Variants in TMC1 observed in about 807,000 individuals in gnomAD.
The protein encoded by TMC1 is transmembrane channel like 1, also known as transmembrane channel-like protein 1.
A neutral mutation model predicts 105.8 loss-of-function variants in TMC1; 84 were observed. The ratio of observed to expected loss-of-function variants is 0.79; its 90% confidence interval spans 0.67 to 0.95. The LOEUF is 0.95. Among genes scored for constraint, TMC1 ranks in the 40% least tolerant of loss-of-function variants. The pLI, the probability that TMC1 is intolerant of heterozygous loss-of-function variation, is 0.00. For missense variants in TMC1, 817 were observed against 914.1 expected (o/e 0.89, Z 1.37); for synonymous variants, 315 against 311.5 (o/e 1.01, Z -0.12).
Position 72,640,327 on chromosome 9 carries a change from G to A in TMC1, c.-52-8270G>A, listed in dbSNP as rs144038714. On this transcript the variant is annotated intron_variant, in intron 4 of 23. Coordinates refer to ENST00000297784, the MANE Select transcript of TMC1 (RefSeq NM_138691.3). Reference sequence around the variant, plus strand: ...GATGTGGAGGATAAATTTTATGGTCGCCAATCCTTTATTGTAAAGAATCGT... The same window carrying A: ...GATGTGGAGGATAAATTTTATGGTCACCAATCCTTTATTGTAAAGAATCGT... Among the ~76,000 whole-genome samples, 8 of 152,240 alleles carry A rather than the reference G, an allele frequency of 5.3e-5. No homozygotes were observed. The East Asian group carries it at 1.2e-3, about 22-fold the overall frequency.
chr9:72,599,797 C>T (rs954534024), intron 2 of TMC1, among the ~76,000 whole-genome samples: 17 of 149,478 alleles, frequency 1.1e-4, no homozygotes, highest in African/African-American at 3.9e-4. Context: ...GCGACAAGAG[C>T]CAAACTCCAT....
chr9:72,677,129 TACACACACAC>T (rs71495332), intron 5 of TMC1, among the ~76,000 whole-genome samples: 3 of 145,124 alleles, frequency 2.1e-5, no homozygotes, highest in Admixed American at 7.0e-5. Flanking sequence ...GAACAGAAAT[TACACACACAC>T]ACACACACAC....
At chr9:72,603,022 G>A (rs977894732) in intron 2 of TMC1, among the ~76,000 whole-genome samples, 3 of 152,108 alleles carry the variant, frequency 2.0e-5, no homozygotes, top group African/African-American at 7.2e-5. Context: ...CCAGTATTGT[G>A]TATATGGAGG....
chr9:72,776,262 A>G (rs1183197178), intron 13 of TMC1, among the ~76,000 whole-genome samples: 1 of 151,836 alleles, frequency 6.6e-6, no homozygotes, highest in Non-Finnish European at 1.5e-5. Flanking sequence ...TGAGATATAT[A>G]TTATAAACTA....
intron 1 of TMC1, among the ~76,000 whole-genome samples, chr9:72,550,651 C>G (rs1434690311): frequency 1.0e-5 from 1 of 99,342 alleles, no homozygotes; most frequent in Non-Finnish European, 1.8e-5. Context: ...GAGGGAGACT[C>G]CATCTCAAAA....
chr9:72,726,298 T>C (rs1827125032), intron 8 of TMC1, among the ~76,000 whole-genome samples: 1 of 152,206 alleles, frequency 6.6e-6, no homozygotes, highest in African/African-American at 2.4e-5. Context: ...TGCATGTACA[T>C]ATAATGTATA....
rs78110893 is a variant in TMC1 at position 72,820,325 on chromosome 9, G to A, written c.1764-517G>A. Among the ~76,000 whole-genome samples, 1,337 of 152,032 alleles carry A rather than the reference G, an allele frequency of 8.8e-3. 17 individuals carry two copies. Among genetic ancestry groups the A allele is most frequent in the African/African-American group, 0.03 (1,265 of 41,482 alleles). On this transcript the variant is annotated intron_variant, in intron 19 of 23. Coordinates refer to ENST00000297784, the MANE Select transcript of TMC1 (RefSeq NM_138691.3). ...AAAAACTTTTTTCATTTGTACAGTC[G>A]TGGCCCACTGCAACCTTGACCTCCT...
chr9:72,727,767 G>A (rs1383147138), intron 8 of TMC1, among the ~76,000 whole-genome samples: 2 of 152,098 alleles, frequency 1.3e-5, no homozygotes, highest in African/African-American at 2.4e-5. Context: ...AAGCTGGGAT[G>A]CCTTAGTGAT....
intron 13 of TMC1, among the ~76,000 whole-genome samples, chr9:72,785,094 A>T (rs1346003789): frequency 6.6e-6 from 1 of 152,196 alleles, no homozygotes; most frequent in Non-Finnish European, 1.5e-5. Context: ...AACCTAAAAT[A>T]AAAATTAGAA....
intron 2 of TMC1, 123 bp downstream of exon 2, chr9:72,578,146 G>A (rs1375076210): frequency 6.6e-6 from 1 of 152,224 alleles, no homozygotes; most frequent in Non-Finnish European, 1.5e-5. Context: ...TGGGATTACA[G>A]GCATGAACCA....
intron 1 of TMC1, among the ~76,000 whole-genome samples, chr9:72,557,489 A>T (rs1173915254): frequency 2.0e-5 from 3 of 152,232 alleles, no homozygotes; most frequent in African/African-American, 7.2e-5. Context: ...CCAAATGTTT[A>T]ATATTGAGCA....
chr9:72,560,626 A>G (rs562957277), intron 1 of TMC1, among the ~76,000 whole-genome samples: 160 of 152,084 alleles, frequency 1.1e-3, no homozygotes, highest in African/African-American at 3.6e-3. Context: ...AGCCTCCTAA[A>G]TAGCTGGGAC....
At chr9:72,527,003 G>A (rs1171467957) in intron 1 of TMC1, among the ~76,000 whole-genome samples, 1 of 152,232 alleles carries the variant, frequency 6.6e-6, no homozygotes, top group African/African-American at 2.4e-5. Context: ...AGGGTCCTGG[G>A]TACCAGACGC....
chr9:72,823,407 G>A (rs1828904539), intron 20 of TMC1, among the ~76,000 whole-genome samples: 1 of 152,106 alleles, frequency 6.6e-6, no homozygotes, highest in African/African-American at 2.4e-5. Flanking sequence ...TCTAGATCCT[G>A]GGCAAGCAGG....
At chr9:72,776,180 T>C (rs1440465036) in intron 13 of TMC1, among the ~76,000 whole-genome samples, 1 of 152,080 alleles carries the variant, frequency 6.6e-6, no homozygotes, top group Non-Finnish European at 1.5e-5. Context: ...ACTTAAATCA[T>C]GTGCTATACG....
At chr9:72,646,341 C>G (rs1205152718) in intron 4 of TMC1, among the ~76,000 whole-genome samples, 1 of 152,158 alleles carries the variant, frequency 6.6e-6, no homozygotes, top group Non-Finnish European at 1.5e-5. Context: ...CAGGATATTG[C>G]TGGATTGTTC....
At chr9:72,679,381 C>A (rs1221523070) in intron 5 of TMC1, among the ~76,000 whole-genome samples, 1 of 152,056 alleles carries the variant, frequency 6.6e-6, no homozygotes, top group Admixed American at 6.6e-5. Flanking sequence ...TTCTTACCAA[C>A]CCATCCACCT....
chr9:72,740,975 T>C (rs1464103741), intron 9 of TMC1, among the ~76,000 whole-genome samples: 2 of 152,234 alleles, frequency 1.3e-5, no homozygotes, highest in African/African-American at 2.4e-5. Flanking sequence ...GTTCACAAGA[T>C]ATATCCACGT....
In TMC1 at chr9:72,791,907, C is replaced by G. The variant is rs1026225100; in HGVS notation, c.1246C>G (p.Leu416Val). 2.0e-5 allele frequency: 32 copies of G among 1,612,712 alleles called. No individual in the cohort carries two copies. Among genetic ancestry groups the G allele is most frequent in the African/African-American group, 2.7e-5 (2 of 74,872 alleles). ...KNEMNMVMSL[L>V]GMFCPTLFDL... is the part of the protein sequence containing the mutation. Reference sequence around the variant, plus strand: ...GTAGATGAACATGGTTATGTCCCTCCTAGGGATGTTCTGTCCAACATTGTT... The same window carrying G: ...GTAGATGAACATGGTTATGTCCCTCGTAGGGATGTTCTGTCCAACATTGTT... The change falls in exon 16 of 24, where the codon CTA becomes GTA. Residue 416 changes from leucine (L) to valine (V), a missense_variant. Leu to Val is a conservative substitution (Grantham distance 32). Transcript: ENST00000297784.
Sources: allele counts gnomAD v4.1 joint callset (sites outside exome capture counted in the v4.1 genomes callset), GRCh38; gene constraint gnomAD v4.1.1; transcripts MANE v1.5; gene names NCBI Gene and HGNC (gene_info 2026-07-23, HGNC 2026-07-21).